The following INSL6 variants were observed in gnomAD, a reference collection of about 807,000 sequenced individuals.
INSL6 encodes the protein insulin-like peptide INSL6.
A neutral mutation model predicts 9.4 loss-of-function variants in INSL6; 16 were observed. The ratio of observed to expected loss-of-function variants is 1.70; its 90% confidence interval spans 1.15 to 2.59. The LOEUF (loss-of-function observed/expected upper bound fraction) is 2.59, where lower values mean the gene tolerates loss of function less well. Ranked by LOEUF, INSL6 falls within the 30% of genes most tolerant of loss-of-function variation. INSL6 has a pLI of 0.00. For synonymous variants in INSL6, 154 were observed against 96.9 expected (o/e 1.59, Z -3.46); for missense variants, 391 against 257.3 (o/e 1.52, Z -3.56).
the INSL6 span, among the ~76,000 whole-genome samples, chr9:4,995,608 C>G: frequency 6.6e-6 from 1 of 152,184 alleles, no homozygotes; most frequent in Admixed American, 6.5e-5. Flanking sequence ...AATGGCTCCT[C>G]TGAAACCATA....
chr9:5,073,612 C>T, the INSL6 span: 1 of 972,794 alleles, frequency 1.0e-6, no homozygotes, highest in South Asian at 1.4e-5. Context: ...GGAGAAAGTG[C>T]ATCTTTATTA....
chr9:5,173,646 T>C (rs1449379683), intron 1 of INSL6, among the ~76,000 whole-genome samples: 1 of 151,806 alleles, frequency 6.6e-6, no homozygotes, highest in Non-Finnish European at 1.5e-5. Flanking sequence ...TCAGGAAAAA[T>C]AGCTAATGCA....
the INSL6 span, among the ~76,000 whole-genome samples, chr9:5,050,075 T>C: frequency 6.6e-6 from 1 of 152,198 alleles, no homozygotes; most frequent in Admixed American, 6.5e-5. Context: ...CCAACATAAT[T>C]GGAGTTCAGT....
At chr9:5,050,858 C>T in the INSL6 span, 10 of 1,582,222 alleles carry the variant, frequency 6.3e-6, no homozygotes, top group African/African-American at 9.5e-5. Flanking sequence ...AATCCTTACA[C>T]ATAAGTGTGA....
intron 3 of INSL6, among the ~76,000 whole-genome samples, chr9:5,132,519 A>G (rs146291997): frequency 5.4e-4 from 82 of 151,996 alleles, no homozygotes; most frequent in African/African-American, 1.8e-3. Flanking sequence ...CTGTTTAACA[A>G]TCAGATTCTT....
chr9:5,096,076 A>G, the INSL6 span, among the ~76,000 whole-genome samples: 1 of 152,208 alleles, frequency 6.6e-6, no homozygotes, highest in South Asian at 2.1e-4. Context: ...TATAGCTATC[A>G]TAACACTACT....
chr9:5,050,540 G>A, the INSL6 span: 1 of 739,510 alleles, frequency 1.4e-6, no homozygotes, highest in South Asian at 2.0e-5. Context: ...CAAAGTTCTG[G>A]GATTACAGGC....
chr9:5,160,064 T>TGGAAAA (rs1824893350), downstream of INSL6, among the ~76,000 whole-genome samples: 1 of 151,396 alleles, frequency 6.6e-6, no homozygotes, highest in South Asian at 2.1e-4. Flanking sequence ...TAATTCCAGC[T>TGGAAAA]ACTCAGGAGG....
chr9:5,179,719 T>C (rs916896638), intron 1 of INSL6, among the ~76,000 whole-genome samples: 3 of 152,146 alleles, frequency 2.0e-5, no homozygotes, highest in East Asian at 3.9e-4. Flanking sequence ...TTGGAAACCA[T>C]CATTCTCAGC....
the INSL6 span, among the ~76,000 whole-genome samples, chr9:5,118,560 C>A: frequency 6.6e-6 from 1 of 152,068 alleles, no homozygotes; most frequent in Admixed American, 6.5e-5. Flanking sequence ...ACAATCCCTC[C>A]CCTCCAATTG....
chr9:5,128,168 A>C (rs1387036858), intron 3 of INSL6: 1 of 231,948 alleles, frequency 4.3e-6, no homozygotes, highest in East Asian at 6.0e-5. Flanking sequence ...TAAAAAGAAA[A>C]TAGTTTCTTA....
the INSL6 span, among the ~76,000 whole-genome samples, chr9:5,046,273 T>A: frequency 1.3e-5 from 2 of 152,184 alleles, no homozygotes; most frequent in African/African-American, 4.8e-5. Context: ...TGTTTGTTTG[T>A]TGTTATATTA....
chr9:5,005,999 A>G, the INSL6 span, among the ~76,000 whole-genome samples: 3 of 152,156 alleles, frequency 2.0e-5, no homozygotes, highest in African/African-American at 7.2e-5. Context: ...TTCCATATGA[A>G]CTTTAAAGTA....
chr9:5,022,126 C>A, the INSL6 span: 1 of 1,614,038 alleles, frequency 6.2e-7, no homozygotes, highest in Non-Finnish European at 8.5e-7. Flanking sequence ...TTACCATTCC[C>A]TTGGGAAATC....
chr9:5,168,214 C>G (rs1424930960), intron 1 of INSL6, among the ~76,000 whole-genome samples: 2 of 152,110 alleles, frequency 1.3e-5, no homozygotes, highest in African/African-American at 4.8e-5. Flanking sequence ...CAGAACCGGG[C>G]TGAGTCAGAG....
the INSL6 span, among the ~76,000 whole-genome samples, chr9:4,997,881 A>G: frequency 6.6e-6 from 1 of 151,854 alleles, no homozygotes; most frequent in Non-Finnish European, 1.5e-5. Context: ...ATGTTTATGT[A>G]TTTCTTATTG....
chr9:5,051,435 G>A, the INSL6 span, among the ~76,000 whole-genome samples: 3 of 152,062 alleles, frequency 2.0e-5, no homozygotes. Flanking sequence ...TCACGTGGGG[G>A]AGCCTGTTAA....
the INSL6 span, among the ~76,000 whole-genome samples, chr9:5,065,931 C>A: frequency 4.6e-5 from 7 of 152,096 alleles, no homozygotes; most frequent in East Asian, 1.2e-3. Flanking sequence ...AATATTGTTG[C>A]TATGAAAAAG....
At chr9:5,089,593 A>G in the INSL6 span, 4 of 483,778 alleles carry the variant, frequency 8.3e-6, no homozygotes, top group African/African-American at 6.3e-5. Flanking sequence ...AGCTACTAGA[A>G]TTTTCTATAT....
Sources: allele counts gnomAD v4.1 joint callset (sites outside exome capture counted in the v4.1 genomes callset), GRCh38; gene constraint gnomAD v4.1.1; transcripts MANE v1.5; gene names NCBI Gene and HGNC (gene_info 2026-07-23, HGNC 2026-07-21).